The following LRIG1 variants were observed in gnomAD, a reference collection of about 807,000 sequenced individuals.
LRIG1 encodes the protein leucine-rich repeats and immunoglobulin-like domains protein 1.
A neutral mutation model predicts 99.2 loss-of-function variants in LRIG1; 48 were observed. The ratio of observed to expected loss-of-function variants is 0.48; its 90% confidence interval spans 0.38 to 0.62. LRIG1 has a LOEUF of 0.62. LRIG1 is among the 20% of genes least tolerant of loss of function. The pLI is 0.00. For synonymous variants in LRIG1, 772 were observed against 596.1 expected (o/e 1.29, Z -4.30); for missense variants, 1,646 against 1,434.4 (o/e 1.15, Z -2.38).
intron 12 of LRIG1, among the ~76,000 whole-genome samples, chr3:66,388,267 G>A (rs920698087): frequency 4.3e-4 from 66 of 151,950 alleles, no homozygotes; most frequent in African/African-American, 1.6e-3. Flanking sequence ...AACTGAGCTG[G>A]CAGAAGGAGG....
intron 8 of LRIG1, 64 bp downstream of exon 8, chr3:66,407,284 G>C (rs1336613910): frequency 6.5e-7 from 1 of 1,547,322 alleles, no homozygotes. Context: ...CAAAGCAGAT[G>C]GTTTGCTCTA....
Position 66,382,416 on chromosome 3 carries a change from A to T in LRIG1, c.2492-18T>A, listed in dbSNP as rs376686440. On this transcript the variant is annotated intron_variant, in intron 15 of 18. Coordinates refer to ENST00000273261, the MANE Select transcript of LRIG1 (RefSeq NM_015541.3). The stretch of plus-strand genomic sequence containing the variant: ...GGTTTCATCTGCAAGGAGACAGAAC[A>T]AATAGAACACCAGGGTCTCAGTGAC... 32 of 1,614,142 alleles carry T rather than the reference A, an allele frequency of 2.0e-5. No homozygotes were observed. Among genetic ancestry groups the T allele is most frequent in the Non-Finnish European group, 2.7e-5 (32 of 1,179,988 alleles).
At chr3:66,499,205 AC>A (rs1255769968) in intron 1 of LRIG1, among the ~76,000 whole-genome samples, 3 of 2,094 alleles carry the variant, frequency 1.4e-3, no homozygotes, top group Admixed American at 8.9e-3. Flanking sequence ...CCATGTTTAC[AC>A]AGAAGTCTAA....
At chr3:66,454,946 C>T (rs1237727595) in intron 2 of LRIG1, among the ~76,000 whole-genome samples, 1 of 152,110 alleles carries the variant, frequency 6.6e-6, no homozygotes, top group Admixed American at 6.6e-5. Context: ...AGAAATTGTG[C>T]TTGTCTTTTT....
At chr3:66,415,668 G>A (rs981476522) in intron 4 of LRIG1, among the ~76,000 whole-genome samples, 8 of 152,202 alleles carry the variant, frequency 5.3e-5, no homozygotes, top group African/African-American at 1.9e-4. Context: ...TACACTTACA[G>A]CGTGATTAAG....
At chr3:66,475,992 G>T (rs1307512153) in intron 1 of LRIG1, among the ~76,000 whole-genome samples, 1 of 152,152 alleles carries the variant, frequency 6.6e-6, no homozygotes, top group Non-Finnish European at 1.5e-5. Flanking sequence ...TCCATACACA[G>T]GGGGCTGGCT....
intron 12 of LRIG1, among the ~76,000 whole-genome samples, chr3:66,388,310 A>C (rs1701480886): frequency 6.6e-6 from 1 of 152,158 alleles, no homozygotes; most frequent in South Asian, 2.1e-4. Context: ...AACTGAGATT[A>C]TGTAGTCTGA....
chr3:66,408,961 T>TGG (rs1349183591), intron 7 of LRIG1, among the ~76,000 whole-genome samples: 3 of 8,120 alleles, frequency 3.7e-4, no homozygotes, highest in Non-Finnish European at 5.4e-4. Flanking sequence ...TGTGTGTGTG[T>TGG]GGTGGGGGGA....
intron 8 of LRIG1, 79 bp from the exon 9 acceptor site, chr3:66,405,357 G>T: frequency 8.8e-7 from 1 of 1,141,276 alleles, no homozygotes; most frequent in South Asian, 1.3e-5. Context: ...CCTGCTGCTC[G>T]GAAGCTGAAG....
At chr3:66,455,213 G>A (rs1307255045) in intron 2 of LRIG1, among the ~76,000 whole-genome samples, 1 of 152,198 alleles carries the variant, frequency 6.6e-6, no homozygotes, top group African/African-American at 2.4e-5. Flanking sequence ...TCAATGTGCT[G>A]AGATTACAGG....
rs1230960966 is a variant in LRIG1 at position 66,380,074 on chromosome 3, G to A, written c.*189C>T. ...TACAATGATATCAAATACTTTTTTT[G>A]CCTTTTGTACACAAATCCCCTCTTG... On this transcript the variant is annotated 3_prime_UTR_variant, in exon 19 of 19. Coordinates refer to ENST00000273261, the MANE Select transcript of LRIG1 (RefSeq NM_015541.3). The A allele has an allele frequency of 3.9e-6, 2 of 512,722 alleles. No homozygotes were observed. Among genetic ancestry groups the A allele is most frequent in the Admixed American group, 3.5e-5 (1 of 28,864 alleles). The allele number at this position is 512,722 out of a possible 1,614,324, so 31.8% of individuals were successfully genotyped here.
Position 66,500,259 on chromosome 3 carries a change from TC to T in LRIG1, c.148del (p.Asp50ThrfsTer24). 2 of 1,502,574 alleles carry T rather than the reference TC, an allele frequency of 1.3e-6. No individual in the cohort carries two copies. Among genetic ancestry groups the T allele is most frequent in the Non-Finnish European group, 1.8e-6 (2 of 1,132,578 alleles). The allele number at this position is 1,502,574 out of a possible 1,614,324, so 93.1% of individuals were successfully genotyped here. On this transcript the variant is annotated frameshift_variant, in exon 1 of 19. Coordinates refer to ENST00000273261, the MANE Select transcript of LRIG1 (RefSeq NM_015541.3). LOFTEE classifies it high-confidence loss of function. Reference protein sequence around the residue: ...PCAAACTCAGDSLDCGGRGLA... With the variant: ...PCAAACTCAGXSLDCGGRGLA... Reference sequence around the variant, plus strand: ...CCCGCGCCCACCGCAGTCCAGCGAGTCCCCAGCGCAAGTGCAGGCGGCCGCG... The same window carrying T: ...CCCGCGCCCACCGCAGTCCAGCGAGTCCCAGCGCAAGTGCAGGCGGCCGCG...
At chr3:66,474,319 C>CG (rs1700668567) in intron 1 of LRIG1, among the ~76,000 whole-genome samples, 1 of 151,756 alleles carries the variant, frequency 6.6e-6, no homozygotes, top group South Asian at 2.1e-4. Context: ...AACAATGCCT[C>CG]ACCTCTTCCA....
intron 1 of LRIG1, among the ~76,000 whole-genome samples, chr3:66,471,503 G>A (rs958575070): frequency 1.3e-5 from 2 of 152,108 alleles, no homozygotes; most frequent in African/African-American, 2.4e-5. Flanking sequence ...ACTCTTCCCC[G>A]AGGTGCCCTG....
intron 8 of LRIG1, chr3:66,406,048 T>C (rs565334848): frequency 2.0e-6 from 2 of 986,860 alleles, no homozygotes; most frequent in Non-Finnish European, 2.4e-6. Context: ...GTTCTTAAAT[T>C]TTCCCCCCGA....
intron 4 of LRIG1, 88 bp downstream of exon 4, chr3:66,417,041 C>T (rs1212759307): frequency 6.6e-7 from 1 of 1,512,812 alleles, no homozygotes; most frequent in South Asian, 1.2e-5. Flanking sequence ...GGAAGCATCC[C>T]TCCTGCATCC....
chr3:66,482,295 A>G (rs1559821594), intron 1 of LRIG1, among the ~76,000 whole-genome samples: 2 of 152,272 alleles, frequency 1.3e-5, no homozygotes, highest in Admixed American at 6.5e-5. Flanking sequence ...TCAGAAACAC[A>G]GCTTCCCTAG....
rs376874549 is a variant in LRIG1 at position 66,380,479 on chromosome 3, G to A, written c.3066C>T (p.Ser1022=). Reference sequence around the variant, plus strand: ...GGTGATACAACCTTGCTAAAGTCCAGGAAGAATCCCCTACAAGGAAAGAAC... The same window carrying A: ...GGTGATACAACCTTGCTAAAGTCCAAGAAGAATCCCCTACAAGGAAAGAAC... ...MASLDGKGDS[S]WTLARLYHPD... is the part of the protein sequence containing the mutation. Residue 1022 remains serine, a synonymous_variant, in exon 19 of 19, where the codon TCC becomes TCT. Coordinates refer to ENST00000273261, the MANE Select transcript of LRIG1 (RefSeq NM_015541.3). The A allele has an allele frequency of 1.2e-6, 2 of 1,614,142 alleles. No individual in the cohort carries two copies. The highest frequency in any genetic ancestry group is 1.3e-5 in the African/African-American group (1 of 75,046).
intron 12 of LRIG1, among the ~76,000 whole-genome samples, chr3:66,389,914 A>G (rs1701550067): frequency 6.6e-6 from 1 of 152,196 alleles, no homozygotes; most frequent in Non-Finnish European, 1.5e-5. Context: ...GTCCATCCCT[A>G]AAGAACTGAG....
Sources: allele counts gnomAD v4.1 joint callset (sites outside exome capture counted in the v4.1 genomes callset), GRCh38; gene constraint gnomAD v4.1.1; transcripts MANE v1.5; gene names NCBI Gene and HGNC (gene_info 2026-07-23, HGNC 2026-07-21).